The following DENND2B variants were observed in gnomAD, a reference collection of about 807,000 sequenced individuals.
DENND2B encodes DENN domain containing 2B.
DENND2B carries 32 observed loss-of-function variants against 116.0 expected under a neutral mutation model. That is an observed-to-expected ratio of 0.28 (90% CI 0.21 to 0.37). The LOEUF (loss-of-function observed/expected upper bound fraction) is 0.37, where lower values mean the gene tolerates loss of function less well. DENND2B is among the 10% of genes least tolerant of loss of function. The probability of loss-of-function intolerance (pLI) is 1.00; values close to 1 mark genes in which losing one functional copy is unlikely to be tolerated. For missense variants in DENND2B, 1,276 were observed against 1,477.7 expected, an observed-to-expected ratio of 0.86 and a Z score of 2.24; for synonymous variants, 588 against 583.9, an observed-to-expected ratio of 1.01 and a Z score of -0.10.
At chr11:8,820,679 T>C (rs1177140198) in intron 4 of DENND2B, among the ~76,000 whole-genome samples, 1 of 152,212 alleles carries the variant, frequency 6.6e-6, no homozygotes, top group Non-Finnish European at 1.5e-5. Flanking sequence ...TGTGATGCTC[T>C]CTGCTATTTT....
At chr11:8,796,839 T>C (rs151121226) in intron 1 of DENND2B, among the ~76,000 whole-genome samples, 166 of 152,266 alleles carry the variant, frequency 1.1e-3, no homozygotes, top group African/African-American at 3.9e-3. Flanking sequence ...GAGGGAGAGA[T>C]GTAAGTCAGG....
At chr11:8,797,882 A>G (rs546398255) in intron 1 of DENND2B, among the ~76,000 whole-genome samples, 1 of 152,050 alleles carries the variant, frequency 6.6e-6, no homozygotes, top group Non-Finnish European at 1.5e-5. Context: ...CATTCTAACA[A>G]TGATGACTTC....
At chr11:8,886,612 T>A (rs1027505543) in intron 1 of DENND2B, among the ~76,000 whole-genome samples, 1 of 151,502 alleles carries the variant, frequency 6.6e-6, no homozygotes, top group Non-Finnish European at 1.5e-5. Context: ...ACTAGCATCA[T>A]AGACACAACA....
Position 8,863,078 on chromosome 11 carries a change from G to A in DENND2B, c.-249-5642C>T, listed in dbSNP as rs776488883. The stretch of plus-strand genomic sequence containing the variant: ...CATCTTTAAACCTACCATTTTGGGA[G>A]GCAAAAGTGGGAGGATTGCTTGAGC... On this transcript the variant is annotated intron_variant, in intron 2 of 6. Coordinates refer to the DENND2B transcript ENST00000524757. Among the ~76,000 whole-genome samples, 3 of 152,062 alleles carry A rather than the reference G, an allele frequency of 2.0e-5. No individual in the cohort carries two copies. The East Asian group carries it at 5.8e-4, about 29-fold the overall frequency.
chr11:8,820,378 G>C (rs1005865765), intron 4 of DENND2B, among the ~76,000 whole-genome samples: 3 of 152,136 alleles, frequency 2.0e-5, no homozygotes, highest in African/African-American at 7.2e-5. Context: ...CAATTAAAAT[G>C]CTCACAGACT....
At chr11:8,709,152 A>G (rs552152335) in intron 11 of DENND2B, among the ~76,000 whole-genome samples, 4 of 152,308 alleles carry the variant, frequency 2.6e-5, no homozygotes, top group Admixed American at 1.3e-4. Flanking sequence ...AGATGGGGCT[A>G]TTTCAGTCTC....
chr11:8,743,107 G>A (rs1399559250), intron 2 of DENND2B, among the ~76,000 whole-genome samples: 1 of 152,020 alleles, frequency 6.6e-6, no homozygotes, highest in African/African-American at 2.4e-5. Context: ...TTGTGGTGAT[G>A]GTTTTATTGA....
intron 2 of DENND2B, among the ~76,000 whole-genome samples, chr11:8,749,685 G>GC (rs1280656542): frequency 1.3e-5 from 2 of 152,196 alleles, no homozygotes; most frequent in African/African-American, 2.4e-5. Flanking sequence ...GCACTGCACA[G>GC]CCAGATATCC....
At chr11:8,865,224 A>G (rs947504108) in intron 2 of DENND2B, among the ~76,000 whole-genome samples, 21 of 152,208 alleles carry the variant, frequency 1.4e-4, no homozygotes, top group Admixed American at 3.3e-4. Context: ...CAATCTCGCA[A>G]AGGCTGGATT....
intron 3 of DENND2B, among the ~76,000 whole-genome samples, chr11:8,854,973 AC>A: frequency 6.6e-6 from 1 of 152,142 alleles, no homozygotes; most frequent in Non-Finnish European, 1.5e-5. Context: ...CGGCTTCTCT[AC>A]AAAAAAATTT....
chr11:8,826,145 G>A (rs1164636722), intron 4 of DENND2B, among the ~76,000 whole-genome samples: 2 of 152,130 alleles, frequency 1.3e-5, no homozygotes, highest in African/African-American at 2.4e-5. Context: ...CATCTCTGGG[G>A]AATAAAGAAC....
intron 1 of DENND2B, among the ~76,000 whole-genome samples, chr11:8,756,824 T>C (rs771341816): frequency 2.5e-4 from 38 of 152,160 alleles, no homozygotes; most frequent in Admixed American, 2.0e-3. Flanking sequence ...GCAGAGGAAA[T>C]GCCCATGGGA....
At chr11:8,775,643 G>A (rs544586634) in intron 1 of DENND2B, among the ~76,000 whole-genome samples, 6 of 152,276 alleles carry the variant, frequency 3.9e-5, no homozygotes, top group East Asian at 1.9e-4. Flanking sequence ...TCAAGGACAC[G>A]CTGCCGGAAG....
At chr11:8,751,928 A>T (rs2052579789) in intron 1 of DENND2B, among the ~76,000 whole-genome samples, 1 of 152,192 alleles carries the variant, frequency 6.6e-6, no homozygotes, top group Non-Finnish European at 1.5e-5. Context: ...AAAAGAAAAA[A>T]GTCACCTCAT....
At chr11:8,777,871 C>T (rs560461734) in intron 1 of DENND2B, among the ~76,000 whole-genome samples, 1 of 152,318 alleles carries the variant, frequency 6.6e-6, no homozygotes, top group South Asian at 2.1e-4. Flanking sequence ...AACCTCAAGT[C>T]TCTGAATAAG....
intron 4 of DENND2B, among the ~76,000 whole-genome samples, chr11:8,821,780 T>C (rs1248429805): frequency 6.6e-6 from 1 of 152,202 alleles, no homozygotes; most frequent in Admixed American, 6.5e-5. Context: ...CTGCTGCTAT[T>C]GTAGATTTGT....
At chr11:8,699,975 T>C (rs1323230345) in intron 14 of DENND2B, 3 of 456,002 alleles carry the variant, frequency 6.6e-6, no homozygotes, top group South Asian at 1.5e-5. Flanking sequence ...CTTGGGATCG[T>C]CCCTCCCAGA....
intron 1 of DENND2B, among the ~76,000 whole-genome samples, chr11:8,804,325 G>A (rs1334447654): frequency 6.6e-6 from 1 of 151,912 alleles, no homozygotes; most frequent in African/African-American, 2.4e-5. Flanking sequence ...GGCTCCCTGT[G>A]CCCTTTCTTT....
chr11:8,730,940 CT>C lies in DENND2B; in HGVS notation c.349del (p.Ser117ValfsTer9). On this transcript the variant is annotated frameshift_variant, in exon 3 of 20. Coordinates refer to ENST00000313726, the MANE Select transcript of DENND2B (RefSeq NM_213618.2). LOFTEE classifies it high-confidence loss of function. The surrounding 1 kb of genome is among the most constrained non-coding windows in gnomAD (Gnocchi z 4.1). ...SACKRDAQKE[S>X]VQGAAQDVAG... ...TACATCCTGGGCTGCGCCTTGGACACTTTCCTTTTGGGCGTCTCTCTTGCAC... is the reference window on the plus strand; with the variant it reads ...TACATCCTGGGCTGCGCCTTGGACACTTCCTTTTGGGCGTCTCTCTTGCAC... 1 of 1,614,228 alleles carries C rather than the reference CT, an allele frequency of 6.2e-7. No homozygotes were observed. Among genetic ancestry groups the C allele is most frequent in the Non-Finnish European group, 8.5e-7 (1 of 1,180,046 alleles).
Sources: gnomAD v4.1 joint callset for allele counts (sites outside exome capture counted in the v4.1 genomes callset) on GRCh38, gnomAD v4.1.1 for gene constraint, Gnocchi (gnomAD v3.1) non-coding constraint, MANE v1.5 for transcripts, NCBI Gene and HGNC (gene_info 2026-07-23, HGNC 2026-07-21) for gene names.